Variants in NBEA observed in about 807,000 individuals in gnomAD.
NBEA encodes lysosomal-trafficking regulator 2.
Under a neutral mutation model 343.4 loss-of-function variants are expected in NBEA, and 44 were observed. The ratio of observed to expected loss-of-function variants is 0.13; its 90% CI spans 0.10 to 0.16. NBEA has a LOEUF of 0.16. Among genes scored for constraint, NBEA ranks in the 10% least tolerant of loss-of-function variants. The probability of loss-of-function intolerance (pLI) is 1.00; values close to 1 mark genes in which losing one functional copy is unlikely to be tolerated. For synonymous variants in NBEA, 1,175 were observed against 1,238.7 expected (o/e 0.95, Z 1.08); for missense variants, 2,555 against 3,631.3 (o/e 0.70, Z 7.62).
rs562016805 is a variant in NBEA, at chr13:35,593,285, G to A, written c.7177-43G>A. Reference sequence around the variant, plus strand: ...GTTTCACAAAGGAACGAGGGCAGCTGTGTTTAGAGTGGTCAAATTTCTGAT... The same window carrying A: ...GTTTCACAAAGGAACGAGGGCAGCTATGTTTAGAGTGGTCAAATTTCTGAT... On this transcript the variant is annotated intron_variant, in intron 46 of 58. Transcript: ENST00000379939. 3.4e-5 allele frequency: 55 copies of A among 1,606,026 alleles called. 2 individuals carry two copies. The South Asian group carries it at 5.0e-4, about 15-fold the overall frequency.
At chr13:35,192,537 A>C (rs1472780594) in intron 30 of NBEA, among the ~76,000 whole-genome samples, 1 of 151,996 alleles carries the variant, frequency 6.6e-6, no homozygotes, top group Non-Finnish European at 1.5e-5. Context: ...CCTCAATAAA[A>C]ATAAAATTGA....
chr13:35,505,528 T>G (rs2077043475), intron 41 of NBEA, among the ~76,000 whole-genome samples: 1 of 152,204 alleles, frequency 6.6e-6, no homozygotes, highest in Non-Finnish European at 1.5e-5. Flanking sequence ...GTAATGAGCG[T>G]AAATACGGAC....
chr13:35,654,973 C>A lies in NBEA; in HGVS notation c.8154C>A (p.Phe2718Leu). 1.3e-6 allele frequency: 2 copies of A among 1,564,950 alleles called. No homozygotes were observed. The highest frequency in any genetic ancestry group is 2.5e-5 in the South Asian group (2 of 81,078). Residue 2718 changes from phenylalanine (F) to leucine (L), a missense_variant, in exon 54 of 59, where the codon TTC becomes TTA. This residue lies in a region of NBEA where 186 missense variants were observed against 328.9 expected (regional missense o/e 0.57). Transcript: ENST00000379939. ...ADNRYILICG[F>L]WDKSFRVYST... ...ATCGCTATATTCTTATCTGTGGATT[C>A]TGGGATAAGAGCTTCAGAGTTTATT...
chr13:35,158,725 G>T (rs537005606), intron 21 of NBEA, among the ~76,000 whole-genome samples: 2 of 151,996 alleles, frequency 1.3e-5, no homozygotes, highest in Non-Finnish European at 2.9e-5. Flanking sequence ...GGCATATTTG[G>T]TTTGGGTAAC....
chr13:35,141,429 G>A (rs892280995), intron 17 of NBEA, among the ~76,000 whole-genome samples: 2 of 152,072 alleles, frequency 1.3e-5, no homozygotes, highest in Non-Finnish European at 2.9e-5. Flanking sequence ...ACCACGCCCA[G>A]CTAATTTTTG....
At chr13:35,301,547 C>T (rs1434194780) in intron 35 of NBEA, among the ~76,000 whole-genome samples, 6 of 152,108 alleles carry the variant, frequency 3.9e-5, no homozygotes, top group South Asian at 2.1e-4. Flanking sequence ...CATAGTATTC[C>T]GTGGTGTATA....
chr13:35,468,853 T>G (rs993885476), intron 40 of NBEA, among the ~76,000 whole-genome samples: 3 of 152,034 alleles, frequency 2.0e-5, no homozygotes, highest in African/African-American at 7.2e-5. Flanking sequence ...AATCCCAGCA[T>G]TTTGGGATGC....
intron 38 of NBEA, among the ~76,000 whole-genome samples, chr13:35,409,635 C>T (rs1295201928): frequency 6.6e-6 from 1 of 151,834 alleles, no homozygotes; most frequent in East Asian, 1.9e-4. Flanking sequence ...ATACTTTAAC[C>T]AAATGGTTCT....
In NBEA at chr13:35,672,323, A is replaced by G. The variant is rs1377636563; in HGVS notation, c.*1332A>G. The G allele has an allele frequency of 6.5e-6, 1 of 152,672 alleles. No individual in the cohort carries two copies. The highest frequency in any genetic ancestry group is 1.5e-5 in the Non-Finnish European group (1 of 68,042). 9.5% of individuals were successfully genotyped at this position (152,672 alleles called of 1,614,324 possible). A position where few individuals can be genotyped will look rare whatever the true frequency, so the allele number is the denominator to read the frequency against. ...CTCACTCGCAGTCATTTATTTAAAA[A>G]GATAAAACAAGATAATGGGTTCTTT... On this transcript the variant is annotated 3_prime_UTR_variant, in exon 59 of 59. Coordinates refer to ENST00000379939, the MANE Select transcript of NBEA (RefSeq NM_001385012.1).
intron 8 of NBEA, 27 bp from the exon 9 acceptor site, chr13:35,069,881 G>A: frequency 4.7e-6 from 7 of 1,486,468 alleles, no homozygotes; most frequent in Non-Finnish European, 6.4e-6. Flanking sequence ...TTTAAAAAGA[G>A]TGTTTACCTT....
At chr13:35,591,450 T>C (rs1258523963) in intron 46 of NBEA, among the ~76,000 whole-genome samples, 1 of 152,074 alleles carries the variant, frequency 6.6e-6, no homozygotes, top group Non-Finnish European at 1.5e-5. Flanking sequence ...TTCACTAACA[T>C]TTATTTATTT....
chr13:35,644,765 G>A (rs1449648313), intron 49 of NBEA, among the ~76,000 whole-genome samples: 1 of 152,194 alleles, frequency 6.6e-6, no homozygotes, highest in Non-Finnish European at 1.5e-5. Flanking sequence ...AACCTAACCA[G>A]AAATGGTCTC....
intron 38 of NBEA, among the ~76,000 whole-genome samples, chr13:35,396,052 A>C (rs1325934760): frequency 6.6e-6 from 1 of 152,058 alleles, no homozygotes; most frequent in Non-Finnish European, 1.5e-5. Context: ...AACACACAAC[A>C]TATAGTTGAG....
intron 11 of NBEA, among the ~76,000 whole-genome samples, chr13:35,101,690 A>T (rs906067190): frequency 6.6e-6 from 1 of 151,764 alleles, no homozygotes; most frequent in Admixed American, 6.6e-5. Flanking sequence ...AATAAAGTTG[A>T]ACATATATTT....
chr13:35,645,208 T>C lies in NBEA; in HGVS notation c.7618-661T>C, dbSNP rs563020581. On this transcript the variant is annotated intron_variant, in intron 49 of 58. Transcript: ENST00000379939. The stretch of plus-strand genomic sequence containing the variant: ...ACTCACCTGTGCTTCTACAAGCACC[T>C]AGCTATGATTTTCCTATTTCACTTT... 3.3e-5 allele frequency among the ~76,000 whole-genome samples: 5 copies of C among 152,366 alleles called. No individual in the cohort carries two copies. The East Asian group carries it at 9.6e-4, about 29-fold the overall frequency.
intron 38 of NBEA, among the ~76,000 whole-genome samples, chr13:35,356,713 A>G (rs1309308305): frequency 5.3e-5 from 8 of 152,184 alleles, no homozygotes; most frequent in African/African-American, 1.2e-4. Flanking sequence ...GTGTTTCACC[A>G]TTACGTCTGA....
chr13:35,610,164 T>C (rs145248592), intron 48 of NBEA, among the ~76,000 whole-genome samples: 1 of 152,334 alleles, frequency 6.6e-6, no homozygotes, highest in Non-Finnish European at 1.5e-5. Flanking sequence ...TGTTTATTGC[T>C]TTACCTGATT....
At chr13:34,954,383 G>T (rs2059432040) in intron 1 of NBEA, among the ~76,000 whole-genome samples, 1 of 152,168 alleles carries the variant, frequency 6.6e-6, no homozygotes. Context: ...ATTTAACATA[G>T]TATCTGGCAT....
chr13:35,026,895 C>T (rs1257616442), intron 1 of NBEA, among the ~76,000 whole-genome samples: 1 of 151,982 alleles, frequency 6.6e-6, no homozygotes, highest in African/African-American at 2.4e-5. Flanking sequence ...ATAGTCACAC[C>T]CATCCTCTTA....
Sources: allele counts gnomAD v4.1 joint callset (sites outside exome capture counted in the v4.1 genomes callset), GRCh38; gene constraint gnomAD v4.1.1; regional missense constraint gnomAD v4.1.1; transcripts MANE v1.5; gene names NCBI Gene and HGNC (gene_info 2026-07-23, HGNC 2026-07-21).